The following CLSTN2 variants were observed in gnomAD, a reference collection of about 807,000 sequenced individuals.
The protein encoded by CLSTN2 is calsyntenin 2.
Under a neutral mutation model 101.2 loss-of-function variants are expected in CLSTN2, and 48 were observed. The ratio of observed to expected loss-of-function variants is 0.47; its 90% confidence interval spans 0.38 to 0.60. The LOEUF (loss-of-function observed/expected upper bound fraction) is 0.60, where lower values mean the gene tolerates loss of function less well. CLSTN2 is among the 20% of genes least tolerant of loss of function. CLSTN2 has a pLI of 0.00. For missense variants in CLSTN2, 1,160 were observed against 1,238.2 expected (o/e 0.94, Z 0.95); for synonymous variants, 481 against 463.6 (o/e 1.04, Z -0.48).
intron 8 of CLSTN2, among the ~76,000 whole-genome samples, chr3:140,500,965 T>G (rs897907188): frequency 6.6e-6 from 1 of 152,210 alleles, no homozygotes; most frequent in African/African-American, 2.4e-5. Context: ...TTAAATAATT[T>G]AAATCATTAT....
At position 140,445,300 on chromosome 3, in the gene CLSTN2, G is replaced by A. The variant is rs576439543; in HGVS notation, c.788-3219G>A. ...TGAACTCCTTTTAAAAAAGATTTGA[G>A]GTGGAATTTCTCATCATAGATAACC... On this transcript the variant is annotated intron_variant, in intron 5 of 16. Transcript: ENST00000458420. Among the ~76,000 whole-genome samples the A allele has an allele frequency of 3.4e-4, 52 of 152,284 alleles. 1 individual carries two copies. Among genetic ancestry groups the A allele is most frequent in the South Asian group, 2.3e-3 (11 of 4,826 alleles).
At position 140,259,170 on chromosome 3, in the gene CLSTN2, G is replaced by A. The variant is rs56095214; in HGVS notation, c.232+83097G>A. ...AAATCTTTATCAAGAATAATTGATT[G>A]AAAAAAAAAAGCTGCACACGGGCTG... is the stretch of plus-strand genomic sequence containing the variant. On this transcript the variant is annotated intron_variant, in intron 2 of 16. Coordinates refer to ENST00000458420, the MANE Select transcript of CLSTN2 (RefSeq NM_022131.3). Among the ~76,000 whole-genome samples, 603 of 147,634 alleles carry A rather than the reference G, an allele frequency of 4.1e-3. 4 individuals carry two copies. Among genetic ancestry groups the A allele is most frequent in the African/African-American group, 0.014 (575 of 40,356 alleles).
intron 8 of CLSTN2, among the ~76,000 whole-genome samples, chr3:140,488,120 GA>G (rs148288782): frequency 6.6e-6 from 1 of 151,792 alleles, no homozygotes; most frequent in Non-Finnish European, 1.5e-5. Flanking sequence ...CAGAGAAGAA[GA>G]AAAAAAAGCA....
intron 6 of CLSTN2, among the ~76,000 whole-genome samples, chr3:140,456,979 C>T (rs1933417794): frequency 6.6e-6 from 1 of 152,082 alleles, no homozygotes; most frequent in Non-Finnish European, 1.5e-5. Flanking sequence ...TATATCCAAA[C>T]CTGTTTGGAG....
chr3:140,318,367 G>C (rs1045184087), intron 2 of CLSTN2, among the ~76,000 whole-genome samples: 1 of 152,184 alleles, frequency 6.6e-6, no homozygotes, highest in Non-Finnish European at 1.5e-5. Context: ...AAAGGATAGG[G>C]TCAGGTTCAG....
intron 2 of CLSTN2, among the ~76,000 whole-genome samples, chr3:140,264,510 A>G (rs1332773171): frequency 6.6e-6 from 1 of 150,906 alleles, no homozygotes; most frequent in Non-Finnish European, 1.5e-5. Context: ...TGACAAAAAT[A>G]TCATAACCGG....
At chr3:140,347,136 G>A (rs2087556413) in intron 2 of CLSTN2, among the ~76,000 whole-genome samples, 1 of 152,178 alleles carries the variant, frequency 6.6e-6, no homozygotes, top group Admixed American at 6.5e-5. Flanking sequence ...GAACAGAATT[G>A]TTTTTCTTGA....
intron 1 of CLSTN2, among the ~76,000 whole-genome samples, chr3:140,129,171 T>C (rs1476008904): frequency 6.6e-6 from 1 of 151,798 alleles, no homozygotes; most frequent in Non-Finnish European, 1.5e-5. Flanking sequence ...CCTACCACTT[T>C]TTTTTTTAAC....
intron 1 of CLSTN2, among the ~76,000 whole-genome samples, chr3:140,152,965 T>C (rs2009890353): frequency 6.6e-6 from 1 of 152,168 alleles, no homozygotes; most frequent in African/African-American, 2.4e-5. Context: ...ACTCAAACAT[T>C]CCTAATGGAA....
intron 2 of CLSTN2, among the ~76,000 whole-genome samples, chr3:140,315,690 C>T (rs2087222577): frequency 6.6e-6 from 1 of 152,150 alleles, no homozygotes; most frequent in Non-Finnish European, 1.5e-5. Context: ...GTGGCTGTTA[C>T]TTGAATGTGG....
At chr3:139,960,621 T>C (rs994165756) in intron 1 of CLSTN2, among the ~76,000 whole-genome samples, 25 of 152,224 alleles carry the variant, frequency 1.6e-4, no homozygotes, top group African/African-American at 5.5e-4. Context: ...CTGCCTTCCA[T>C]CATTTTAGCT....
intron 5 of CLSTN2, 39 bp from the exon 6 acceptor site, chr3:140,448,480 G>C: frequency 6.5e-7 from 1 of 1,538,556 alleles, no homozygotes; most frequent in South Asian, 1.2e-5. Flanking sequence ...AGAACTGACT[G>C]CACCTGATTC....
chr3:140,386,345 C>T (rs2088051385), intron 2 of CLSTN2, among the ~76,000 whole-genome samples: 1 of 152,174 alleles, frequency 6.6e-6, no homozygotes, highest in Non-Finnish European at 1.5e-5. Flanking sequence ...AACCCAAATG[C>T]CAGGGTCCAG....
chr3:140,308,965 T>C (rs1222616712), intron 2 of CLSTN2, among the ~76,000 whole-genome samples: 1 of 152,238 alleles, frequency 6.6e-6, no homozygotes, highest in Non-Finnish European at 1.5e-5. Flanking sequence ...TGAGTCCTGA[T>C]TCAACATTTT....
chr3:140,421,362 T>A (rs570372971), intron 5 of CLSTN2, 88 bp downstream of exon 5: 1 of 1,465,074 alleles, frequency 6.8e-7, no homozygotes, highest in East Asian at 2.3e-5. Flanking sequence ...TCACAACACA[T>A]AACTTTTTAA....
intron 1 of CLSTN2, among the ~76,000 whole-genome samples, chr3:140,084,472 A>G (rs752714439): frequency 7.9e-5 from 12 of 152,194 alleles, no homozygotes; most frequent in Non-Finnish European, 1.8e-4. Flanking sequence ...GTGTATGTAG[A>G]TACGTATGCA....
intron 1 of CLSTN2, among the ~76,000 whole-genome samples, chr3:140,122,846 C>T (rs1576435227): frequency 2.0e-5 from 3 of 152,074 alleles, no homozygotes; most frequent in African/African-American, 7.2e-5. Context: ...TCCTTTACTT[C>T]TTTTATAATA....
intron 1 of CLSTN2, among the ~76,000 whole-genome samples, chr3:140,119,895 G>C (rs1669142184): frequency 6.6e-6 from 1 of 152,036 alleles, no homozygotes; most frequent in Non-Finnish European, 1.5e-5. Context: ...TAGGTGCCCA[G>C]TGAAGACTCC....
At chr3:140,288,588 G>A (rs1464820905) in intron 2 of CLSTN2, among the ~76,000 whole-genome samples, 1 of 152,086 alleles carries the variant, frequency 6.6e-6, no homozygotes, top group African/African-American at 2.4e-5. Flanking sequence ...TCATTTCTGT[G>A]GTTTGTATAT....
Sources: gnomAD v4.1 joint callset for allele counts (sites outside exome capture counted in the v4.1 genomes callset) on GRCh38, gnomAD v4.1.1 for gene constraint, MANE v1.5 for transcripts, NCBI Gene and HGNC (gene_info 2026-07-23, HGNC 2026-07-21) for gene names.